The following ZMAT5 variants were observed in gnomAD, a reference collection of about 807,000 sequenced individuals.
ZMAT5 encodes the protein zinc finger matrin-type protein 5.
ZMAT5 carries 23 observed loss-of-function variants against 28.0 expected under a neutral mutation model. The observed-to-expected ratio is 0.82, with a 90% CI of 0.59 to 1.16. The LOEUF is 1.16. Among genes scored for constraint, ZMAT5 ranks in the 50% most tolerant of loss-of-function variants. The pLI is 0.00. For missense variants in ZMAT5, 173 were observed against 212.7 expected, an observed-to-expected ratio of 0.81 and a Z score of 1.16; for synonymous variants, 76 against 84.1, an observed-to-expected ratio of 0.90 and a Z score of 0.52.
intron 1 of ZMAT5, among the ~76,000 whole-genome samples, chr22:29,753,894 A>C (rs1302481595): frequency 6.6e-6 from 1 of 152,002 alleles, no homozygotes; most frequent in African/African-American, 2.4e-5. Context: ...GAGCTCCTGA[A>C]CCAAATGCCT....
Position 29,763,290 on chromosome 22 carries a change from C to CTAAATAAATAAA in ZMAT5, c.-28+3581_-28+3582insTTTATTTATTTA, listed in dbSNP as rs1477144084. Among the ~76,000 whole-genome samples the CTAAATAAATAAA allele has an allele frequency of 8.2e-5, 5 of 61,336 alleles. No individual in the cohort carries two copies. The East Asian group carries it at 4.4e-3, about 53-fold the overall frequency. 40.2% of individuals were successfully genotyped at this position (61,336 alleles called of 152,430 possible). On this transcript the variant is annotated intron_variant, in intron 1 of 5. Transcript: ENST00000344318. ...CCTGGGCAACACAGCGAGACTCTGC[C>CTAAATAAATAAA]TCAATAAATAAATAAATAAATAAAT...
At chr22:29,739,443 G>A (rs886832555) in intron 4 of ZMAT5, among the ~76,000 whole-genome samples, 6 of 152,280 alleles carry the variant, frequency 3.9e-5, no homozygotes, top group Middle Eastern at 3.4e-3. Context: ...ACTTGGGGCC[G>A]GGCCCTGGGC....
chr22:29,757,892 C>T (rs928726226), intron 1 of ZMAT5, among the ~76,000 whole-genome samples: 1 of 152,202 alleles, frequency 6.6e-6, no homozygotes, highest in Admixed American at 6.5e-5. Context: ...GGGCGTGCAC[C>T]TATAGTCCCA....
chr22:29,760,428 C>T (rs1227062979), intron 1 of ZMAT5, among the ~76,000 whole-genome samples: 1 of 151,440 alleles, frequency 6.6e-6, no homozygotes, highest in African/African-American at 2.4e-5. Context: ...CCTGTAATCC[C>T]AGTTACTTGG....
chr22:29,744,094 G>A (rs1230893445), intron 2 of ZMAT5, among the ~76,000 whole-genome samples: 1 of 152,222 alleles, frequency 6.6e-6, no homozygotes, highest in African/African-American at 2.4e-5. Flanking sequence ...ATAATGAATG[G>A]AGAGTGCTTT....
intron 5 of ZMAT5, among the ~76,000 whole-genome samples, chr22:29,734,986 C>T (rs1273889448): frequency 6.6e-6 from 1 of 152,086 alleles, no homozygotes; most frequent in Admixed American, 6.5e-5. Context: ...GCTGGGGTGC[C>T]CAGGAGAGCC....
chr22:29,739,712 G>C (rs1453031102), intron 4 of ZMAT5, among the ~76,000 whole-genome samples: 1 of 152,244 alleles, frequency 6.6e-6, no homozygotes, highest in African/African-American at 2.4e-5. Context: ...CCCATAGCCA[G>C]GGAAGAGCTG....
intron 1 of ZMAT5, among the ~76,000 whole-genome samples, chr22:29,760,322 G>A (rs536380032): frequency 7.3e-5 from 11 of 150,722 alleles, no homozygotes; most frequent in African/African-American, 2.4e-4. Context: ...GCAGTAAACC[G>A]AGATTGTGCC....
intron 1 of ZMAT5, among the ~76,000 whole-genome samples, chr22:29,755,334 A>AGAGAGAGGGAGGGAGGGAGG (rs1298594646): frequency 0.017 from 337 of 19,722 alleles, 7 homozygotes; most frequent in African/African-American, 0.057. Flanking sequence ...AAGGAGAGAG[A>AGAGAGAGGGAGGGAGGGAGG]GAGAGAGGGA....
At chr22:29,750,352 T>C (rs1310641846) in intron 1 of ZMAT5, among the ~76,000 whole-genome samples, 1 of 152,208 alleles carries the variant, frequency 6.6e-6, no homozygotes, top group East Asian at 1.9e-4. Context: ...AGGCAGTGAA[T>C]GCTGACAGCT....
intron 1 of ZMAT5, among the ~76,000 whole-genome samples, chr22:29,753,695 A>G (rs1178908043): frequency 6.6e-6 from 1 of 152,090 alleles, no homozygotes; most frequent in East Asian, 1.9e-4. Flanking sequence ...TCTCAAAAAA[A>G]GCAAAAACAA....
At chr22:29,763,596 C>T (rs146732701) in intron 1 of ZMAT5, among the ~76,000 whole-genome samples, 2,805 of 146,736 alleles carry the variant, frequency 0.019, 93 homozygotes, top group African/African-American at 0.067. Context: ...AACGAGACTC[C>T]GTCTCAAACA....
intron 5 of ZMAT5, 60 bp downstream of exon 5, chr22:29,738,270 A>C: frequency 6.8e-7 from 1 of 1,461,688 alleles, no homozygotes; most frequent in East Asian, 2.3e-5. Flanking sequence ...AGGAAGGGGA[A>C]GGCGGGCTGG....
At chr22:29,746,003 C>T (rs1372573425) in intron 2 of ZMAT5, among the ~76,000 whole-genome samples, 6 of 152,096 alleles carry the variant, frequency 3.9e-5, no homozygotes, top group African/African-American at 7.2e-5. Flanking sequence ...GACAGGGTCC[C>T]GCTCTGTTGC....
chr22:29,736,436 C>T (rs2067904495), intron 5 of ZMAT5, among the ~76,000 whole-genome samples: 1 of 152,208 alleles, frequency 6.6e-6, no homozygotes, highest in African/African-American at 2.4e-5. Flanking sequence ...AACACCTTTA[C>T]TGGCTGGGTG....
intron 1 of ZMAT5, among the ~76,000 whole-genome samples, chr22:29,759,064 T>C (rs1032141314): frequency 6.6e-6 from 1 of 152,188 alleles, no homozygotes; most frequent in Non-Finnish European, 1.5e-5. Context: ...CCAACCAGAC[T>C]TGGCCTAGCA....
intron 2 of ZMAT5, chr22:29,747,884 C>T (rs545538860): frequency 3.7e-4 from 73 of 195,624 alleles, no homozygotes; most frequent in Non-Finnish European, 6.5e-4. Flanking sequence ...AAGCAGTCTG[C>T]GCTGTCAAGG....
chr22:29,754,170 C>T (rs2068079042), intron 1 of ZMAT5, among the ~76,000 whole-genome samples: 1 of 152,170 alleles, frequency 6.6e-6, no homozygotes, highest in Admixed American at 6.5e-5. Flanking sequence ...GGGGTGCTGA[C>T]TAAGCTGGCC....
At chr22:29,739,928 G>T (rs2067945763) in intron 4 of ZMAT5, among the ~76,000 whole-genome samples, 1 of 152,354 alleles carries the variant, frequency 6.6e-6, no homozygotes, top group African/African-American at 2.4e-5. Context: ...AGGCCAAGCT[G>T]CCCCAGACCT....
Sources: allele counts gnomAD v4.1 joint callset (sites outside exome capture counted in the v4.1 genomes callset), GRCh38; gene constraint gnomAD v4.1.1; transcripts MANE v1.5; gene names NCBI Gene and HGNC (gene_info 2026-07-23, HGNC 2026-07-21).